AUTS2: variants seen among roughly 807,000 people sequenced by gnomAD.
The protein encoded by AUTS2 is activator of transcription and developmental regulator AUTS2, also known as autism susceptibility gene 2 protein.
AUTS2 carries 17 observed loss-of-function variants against 112.4 expected under a neutral mutation model. The ratio of observed to expected loss-of-function variants is 0.15; its 90% CI spans 0.10 to 0.23. The LOEUF is 0.23. Among genes scored for constraint, AUTS2 ranks in the 10% least tolerant of loss-of-function variants. The pLI, the probability that AUTS2 is intolerant of heterozygous loss-of-function variation, is 1.00. For missense variants in AUTS2, 1,510 were observed against 1,701.6 expected (o/e 0.89, Z 1.98); for synonymous variants, 751 against 702.7 (o/e 1.07, Z -1.09).
At chr7:70,427,048 G>C (rs1267154590) in intron 4 of AUTS2, among the ~76,000 whole-genome samples, 1 of 152,064 alleles carries the variant, frequency 6.6e-6, no homozygotes, top group African/African-American at 2.4e-5. Flanking sequence ...AGGGAAAATC[G>C]CCCCATTACA....
At chr7:70,379,299 G>A (rs1048162212) in intron 4 of AUTS2, among the ~76,000 whole-genome samples, 3 of 152,038 alleles carry the variant, frequency 2.0e-5, no homozygotes, top group African/African-American at 4.8e-5. Flanking sequence ...TTAGGAGTTC[G>A]AGACCGGCCT....
chr7:69,854,405 A>G (rs959159828), intron 1 of AUTS2, among the ~76,000 whole-genome samples: 6 of 152,160 alleles, frequency 3.9e-5, no homozygotes, highest in Non-Finnish European at 7.4e-5. Flanking sequence ...CTTGTACTTC[A>G]TCAACCTGAA....
intron 4 of AUTS2, among the ~76,000 whole-genome samples, chr7:70,149,522 G>T (rs1390758383): frequency 6.6e-6 from 1 of 151,898 alleles, no homozygotes; most frequent in Non-Finnish European, 1.5e-5. Context: ...TTCCATATCA[G>T]CATTTTAGAG....
chr7:69,845,736 C>G (rs946821341), intron 1 of AUTS2, among the ~76,000 whole-genome samples: 2 of 152,138 alleles, frequency 1.3e-5, no homozygotes, highest in African/African-American at 4.8e-5. Flanking sequence ...TCTGCTGACC[C>G]TAGAGCAAGC....
At chr7:70,671,280 G>A (rs1807627163) in intron 5 of AUTS2, among the ~76,000 whole-genome samples, 1 of 152,218 alleles carries the variant, frequency 6.6e-6, no homozygotes, top group South Asian at 2.1e-4. Context: ...CCCCAGCTGG[G>A]TATTCAGTGG....
chr7:70,690,492 CCTGAACT>C (rs1326945520), intron 5 of AUTS2, among the ~76,000 whole-genome samples: 1 of 152,140 alleles, frequency 6.6e-6, no homozygotes, highest in Non-Finnish European at 1.5e-5. Context: ...TGTTAGAGTG[CCTGAACT>C]TCATTATATT....
chr7:70,566,239 T>G (rs1323292952), intron 5 of AUTS2, among the ~76,000 whole-genome samples: 1 of 152,196 alleles, frequency 6.6e-6, no homozygotes, highest in Non-Finnish European at 1.5e-5. Flanking sequence ...GTCTTAGTCA[T>G]GTTGACCTCT....
At chr7:70,534,395 AATTTGTTT>A (rs768029007) in intron 5 of AUTS2, among the ~76,000 whole-genome samples, 12 of 131,458 alleles carry the variant, frequency 9.1e-5, no homozygotes, top group East Asian at 8.6e-4. Context: ...TGGGAATATG[AATTTGTTT>A]GTTTGTTTGT....
intron 4 of AUTS2, among the ~76,000 whole-genome samples, chr7:70,157,990 C>A (rs1807874353): frequency 6.6e-6 from 1 of 152,070 alleles, no homozygotes; most frequent in Non-Finnish European, 1.5e-5. Context: ...TGATCTGGTT[C>A]TTGGAGAGGG....
intron 2 of AUTS2, among the ~76,000 whole-genome samples, chr7:69,926,771 T>C (rs1796031509): frequency 6.8e-6 from 1 of 147,086 alleles, no homozygotes; most frequent in South Asian, 2.1e-4. Flanking sequence ...ATACACTATA[T>C]ATAATAAAGA....
chr7:70,334,472 A>G (rs527760075), intron 4 of AUTS2, among the ~76,000 whole-genome samples: 1 of 152,334 alleles, frequency 6.6e-6, no homozygotes, highest in African/African-American at 2.4e-5. Context: ...TTAGTGCACA[A>G]TCTAAATCAC....
intron 5 of AUTS2, among the ~76,000 whole-genome samples, chr7:70,494,131 G>C (rs747960338): frequency 9.9e-5 from 15 of 152,188 alleles, no homozygotes; most frequent in Non-Finnish European, 1.6e-4. Flanking sequence ...TTTCATTGCA[G>C]AGCTGATCTT....
chr7:70,729,183 C>T (rs575597407), intron 6 of AUTS2: 7 of 456,550 alleles, frequency 1.5e-5, no homozygotes, highest in Admixed American at 4.7e-5. Context: ...AGACCTGTGC[C>T]GGGGGTGGGG....
chr7:69,969,806 T>G lies in AUTS2; in HGVS notation c.522+70308T>G, dbSNP rs1797775641. ...AACTACTGACCATTTTGATTTGATATAAGCTTGTAATTGTTGGAAAGATAT... is the reference window on the plus strand; with the variant it reads ...AACTACTGACCATTTTGATTTGATAGAAGCTTGTAATTGTTGGAAAGATAT... On this transcript the variant is annotated intron_variant, in intron 2 of 18. Transcript: ENST00000342771. 2.6e-5 allele frequency among the ~76,000 whole-genome samples: 4 copies of G among 152,206 alleles called. 1 individual carries two copies. In the South Asian group the frequency reaches 8.3e-4, roughly 31 times the overall value.
chr7:70,130,074 A>G (rs1050529111), intron 3 of AUTS2, among the ~76,000 whole-genome samples: 21 of 152,128 alleles, frequency 1.4e-4, no homozygotes, highest in African/African-American at 4.6e-4. Context: ...GATTCCTGGC[A>G]TGGTCCTTCT....
intron 5 of AUTS2, among the ~76,000 whole-genome samples, chr7:70,636,885 C>T (rs1163868582): frequency 2.0e-5 from 3 of 152,076 alleles, no homozygotes; most frequent in Non-Finnish European, 4.4e-5. Flanking sequence ...TCAAGTGATC[C>T]TCCCACCTTA....
At chr7:70,709,860 C>T (rs1432552729) in intron 6 of AUTS2, among the ~76,000 whole-genome samples, 1 of 152,166 alleles carries the variant, frequency 6.6e-6, no homozygotes, top group African/African-American at 2.4e-5. Flanking sequence ...GGACTTCAGT[C>T]CTGAACTTGT....
At chr7:69,614,376 G>GCTTTTCTTTCTTTCTTTCTTTCTTTCT (rs769423577) in intron 1 of AUTS2, among the ~76,000 whole-genome samples, 7 of 64,192 alleles carry the variant, frequency 1.1e-4, no homozygotes, top group Admixed American at 3.2e-4. Context: ...TTTTTTAAGA[G>GCTTTTCTTTCTTTCTTTCTTTCTTTCT]ATGGGATCTC....
At position 69,782,366 on chromosome 7, in the gene AUTS2, G is replaced by GT. The variant is rs35095976; in HGVS notation, c.310-116906dup. ...GAGTGAGACCCCATCTCTCTCTCTT[G>GT]TTTTTTTTTTTTTTGTTTCTTTTTA... On this transcript the variant is annotated intron_variant, in intron 1 of 18. Coordinates refer to ENST00000342771, the MANE Select transcript of AUTS2 (RefSeq NM_015570.4). Among the ~76,000 whole-genome samples, 855 of 137,724 alleles carry GT rather than the reference G, an allele frequency of 6.2e-3. 3 individuals carry two copies. The highest frequency in any genetic ancestry group is 0.026 in the Middle Eastern group (7 of 270). The allele number at this position is 137,724 out of a possible 152,430, so 90.4% of individuals were successfully genotyped here.
Sources: allele counts gnomAD v4.1 joint callset (sites outside exome capture counted in the v4.1 genomes callset), GRCh38; gene constraint gnomAD v4.1.1; transcripts MANE v1.5; gene names NCBI Gene and HGNC (gene_info 2026-07-23, HGNC 2026-07-21).